Variants in GET1 observed in about 807,000 individuals in gnomAD.
GET1 encodes guided entry of tail-anchored proteins factor 1.
GET1 carries 20 observed loss-of-function variants against 22.6 expected under a neutral mutation model. The observed-to-expected ratio is 0.89, with a 90% CI of 0.62 to 1.29. The LOEUF (loss-of-function observed/expected upper bound fraction) is 1.29. GET1 is among the 50% of genes most tolerant of loss of function. The pLI is 0.00. For missense variants in GET1, 209 were observed against 219.9 expected (o/e 0.95, Z 0.31); for synonymous variants, 92 against 83.8 (o/e 1.10, Z -0.53).
At chr21:39,387,485 C>T (rs1159780586) in intron 1 of GET1, among the ~76,000 whole-genome samples, 1 of 152,154 alleles carries the variant, frequency 6.6e-6, no homozygotes, top group Non-Finnish European at 1.5e-5. Context: ...AGAATTTGGC[C>T]CATTCCTATT....
downstream of GET1, among the ~76,000 whole-genome samples, chr21:39,408,988 AATGTTTGT>A (rs1479997973): frequency 7.9e-4 from 121 of 152,308 alleles, no homozygotes; most frequent in Non-Finnish European, 5.9e-5. Context: ...TTATGAAATG[AATGTTTGT>A]ATTCCTTCCT....
chr21:39,396,763 A>G lies in GET1; in HGVS notation c.452-103A>G, dbSNP rs1322601896. On this transcript the variant is annotated intron_variant, in intron 4 of 4. Coordinates refer to ENST00000649170, the MANE Select transcript of GET1 (RefSeq NM_004627.6). ...CTTCACTTCAGCCCAGCACTGCTCA[A>G]AAAGAATGGAAATACTCTCTTTGCT... 3.7e-6 allele frequency: 4 copies of G among 1,094,724 alleles called. No individual in the cohort carries two copies. In the Admixed American group the frequency reaches 7.3e-5, roughly 20 times the overall value. 67.8% of individuals were successfully genotyped at this position (1,094,724 alleles called of 1,614,324 possible).
Position 39,390,826 on chromosome 21 carries a change from A to G in GET1, c.231A>G (p.Arg77=), listed in dbSNP as rs751906856. ...DEFARYARLE[R]KINKMTDKLK... ...TTGCCAGATATGCCAGGCTGGAAAG[A>G]AAGATCAACAAGATGACGGATAAGC... Residue 77 remains arginine, a synonymous_variant, in exon 2 of 5, where the codon AGA becomes AGG. Coordinates refer to ENST00000649170, the MANE Select transcript of GET1 (RefSeq NM_004627.6). 6.2e-7 allele frequency: 1 copy of G among 1,614,200 alleles called. No individual in the cohort carries two copies. The highest frequency in any genetic ancestry group is 1.1e-5 in the South Asian group (1 of 91,084).
chr21:39,418,368 G>T (rs1271795835), intron 1 of GET1, among the ~76,000 whole-genome samples: 1 of 152,148 alleles, frequency 6.6e-6, no homozygotes, highest in Non-Finnish European at 1.5e-5. Context: ...GATATCCATT[G>T]TGTGGAGGTA....
rs769999568 is a variant in GET1 at position 39,390,853 on chromosome 21, C to G, written c.258C>G (p.Leu86=). 1 of 1,614,062 alleles carries G rather than the reference C, an allele frequency of 6.2e-7. No homozygotes were observed. The highest frequency in any genetic ancestry group is 8.5e-7 in the Non-Finnish European group (1 of 1,180,014). Residue 86 remains leucine, a synonymous_variant, in exon 2 of 5, where the codon CTC becomes CTG. Coordinates refer to ENST00000649170, the MANE Select transcript of GET1 (RefSeq NM_004627.6). ...AGATCAACAAGATGACGGATAAGCTCAAAACCCATGGTACTGTGTCCCTTG... is the reference window on the plus strand; with the variant it reads ...AGATCAACAAGATGACGGATAAGCTGAAAACCCATGGTACTGTGTCCCTTG... ...ERKINKMTDK[L]KTHVKARTAQ...
chr21:39,381,105 G>T (rs1270148120), intron 1 of GET1, among the ~76,000 whole-genome samples: 1 of 152,198 alleles, frequency 6.6e-6, no homozygotes, highest in Non-Finnish European at 1.5e-5. Context: ...TCCCGGAGGA[G>T]TCTGGCTCAA....
At chr21:39,413,307 A>G (rs1254402379) in intron 1 of GET1, among the ~76,000 whole-genome samples, 1 of 152,182 alleles carries the variant, frequency 6.6e-6, no homozygotes, top group East Asian at 1.9e-4. Flanking sequence ...GATAGGGATG[A>G]GGAAAAAGTC....
chr21:39,414,177 C>T (rs2040613957), intron 1 of GET1: 1 of 152,224 alleles, frequency 6.6e-6, no homozygotes, highest in South Asian at 2.1e-4. Context: ...TGCCCGCAAG[C>T]ACAAAGGGTA....
intron 4 of GET1, among the ~76,000 whole-genome samples, chr21:39,394,205 C>G (rs998913750): frequency 6.6e-6 from 1 of 152,050 alleles, no homozygotes; most frequent in African/African-American, 2.4e-5. Flanking sequence ...TGGTGCGTGC[C>G]TGTAATTCCA....
At chr21:39,386,931 AC>A (rs1464388692) in intron 1 of GET1, among the ~76,000 whole-genome samples, 4 of 151,808 alleles carry the variant, frequency 2.6e-5, no homozygotes, top group African/African-American at 9.7e-5. Flanking sequence ...AGCAGCCTCA[AC>A]CTTTCGGGCT....
intron 1 of GET1, among the ~76,000 whole-genome samples, chr21:39,381,345 C>T (rs573105784): frequency 2.0e-5 from 3 of 152,140 alleles, no homozygotes; most frequent in South Asian, 2.1e-4. Flanking sequence ...AAAGATTGGG[C>T]GCATTCGTTT....
rs1057270537 is a variant in GET1 at position 39,397,489 on chromosome 21, A to G, written c.*550A>G. 2.0e-5 allele frequency: 3 copies of G among 153,378 alleles called. No homozygotes were observed. The allele number at this position is 153,378 out of a possible 1,614,324, so 9.5% of individuals were successfully genotyped here. ...ATGTCATTTGTTGAGCAAGAGTTGT[A>G]TAGTATTATCTACTTACTTGAGGCT... On this transcript the variant is annotated 3_prime_UTR_variant, in exon 5 of 5. Coordinates refer to ENST00000649170, the MANE Select transcript of GET1 (RefSeq NM_004627.6).
At chr21:39,421,601 A>C (rs1264823818) in intron 1 of GET1, 2 of 152,182 alleles carry the variant, frequency 1.3e-5, no homozygotes, top group African/African-American at 2.4e-5. Context: ...TTATTGGAGA[A>C]CTGTTAGATC....
At chr21:39,389,755 C>T (rs991887544) in intron 1 of GET1, among the ~76,000 whole-genome samples, 5 of 152,186 alleles carry the variant, frequency 3.3e-5, no homozygotes, top group Non-Finnish European at 4.4e-5. Context: ...GGAAGGCCCT[C>T]TGCACTGAGC....
At chr21:39,401,699 C>T (rs565366807), downstream of GET1, among the ~76,000 whole-genome samples, 5 of 152,318 alleles carry the variant, frequency 3.3e-5, no homozygotes, top group South Asian at 2.1e-4. Context: ...AACCCTGCAT[C>T]GAGCAAGTCT....
At chr21:39,405,183 A>C (rs889249169) in intron 4 of GET1, among the ~76,000 whole-genome samples, 1 of 151,804 alleles carries the variant, frequency 6.6e-6, no homozygotes, top group African/African-American at 2.4e-5. Context: ...GTTCCCTTTC[A>C]AAGCTGCTGC....
At chr21:39,387,303 A>G (rs1349203101) in intron 1 of GET1, among the ~76,000 whole-genome samples, 2 of 152,136 alleles carry the variant, frequency 1.3e-5, no homozygotes, top group Non-Finnish European at 2.9e-5. Context: ...TGTTTTGTGT[A>G]TTCCCTATAA....
chr21:39,410,051 C>G, downstream of GET1: 2 of 1,611,256 alleles, frequency 1.2e-6, no homozygotes, highest in Non-Finnish European at 1.7e-6. Flanking sequence ...TGATTTATTT[C>G]AGTTGATTTT....
In GET1 at chr21:39,415,191, T is replaced by C. The variant is rs1030954351; in HGVS notation, c.*23+4254T>C. Among the ~76,000 whole-genome samples, 5 of 152,184 alleles carry C rather than the reference T, an allele frequency of 3.3e-5. No individual in the cohort carries two copies. The South Asian group carries it at 1.0e-3, about 31-fold the overall frequency. ...AATGATGTAAGCCACCATGCCTGGC[T>C]TGGAGTGTTATTTTAAAAATAACAT... On this transcript the variant is annotated intron_variant, in intron 1 of 1. Transcript: ENST00000478273.
Sources: allele counts gnomAD v4.1 joint callset (sites outside exome capture counted in the v4.1 genomes callset), GRCh38; gene constraint gnomAD v4.1.1; transcripts MANE v1.5; gene names NCBI Gene and HGNC (gene_info 2026-07-23, HGNC 2026-07-21).